SMYD3: variants seen among roughly 807,000 people sequenced by gnomAD.
The protein encoded by SMYD3 is SET and MYND domain containing 3.
In SMYD3, 36 loss-of-function variants were observed where a neutral mutation model predicts 57.7. The observed-to-expected ratio is 0.62, with a 90% CI of 0.48 to 0.82. The LOEUF (loss-of-function observed/expected upper bound fraction) is 0.82. Ranked by LOEUF, SMYD3 falls within the 40% of genes least tolerant of loss-of-function variation. The pLI is 0.00. For synonymous variants in SMYD3, 211 were observed against 195.0 expected (o/e 1.08, Z -0.68); for missense variants, 515 against 538.8 (o/e 0.96, Z 0.44).
intron 10 of SMYD3, among the ~76,000 whole-genome samples, chr1:245,834,252 T>C: frequency 6.6e-6 from 1 of 152,198 alleles, no homozygotes; most frequent in East Asian, 1.9e-4. Context: ...TGCATTTCTT[T>C]GACCTCTCAT....
At chr1:246,373,584 T>C (rs1329829725) in intron 1 of SMYD3, among the ~76,000 whole-genome samples, 2 of 152,174 alleles carry the variant, frequency 1.3e-5, no homozygotes, top group East Asian at 3.8e-4. Context: ...CTAATAGTTC[T>C]GGATTTAATA....
intron 5 of SMYD3, among the ~76,000 whole-genome samples, chr1:246,136,878 G>A (rs2061673259): frequency 6.6e-6 from 1 of 152,200 alleles, no homozygotes; most frequent in Admixed American, 6.5e-5. Context: ...GACTTCTGCA[G>A]AGCACAGTCT....
intron 5 of SMYD3, among the ~76,000 whole-genome samples, chr1:245,965,429 G>A (rs937429138): frequency 7.9e-5 from 12 of 152,184 alleles, no homozygotes; most frequent in Admixed American, 7.9e-4. Flanking sequence ...ATAAAGGAGA[G>A]AAAACAGTAT....
At chr1:246,507,001 C>CCCCCCCCCCCCA in intron 1 of SMYD3, 53 bp downstream of exon 1, 1 of 1,159,190 alleles carries the variant, frequency 8.6e-7, no homozygotes, top group Non-Finnish European at 1.2e-6. Flanking sequence ...CCCCCCCTCC[C>CCCCCCCCCCCCA]CAGCACCCCA....
chr1:245,764,968 C>T (rs1572272114), intron 10 of SMYD3, among the ~76,000 whole-genome samples: 1 of 151,366 alleles, frequency 6.6e-6, no homozygotes, highest in South Asian at 2.1e-4. Context: ...TCTTCTGGCC[C>T]CAATACCCCC....
Position 245,833,073 on chromosome 1 carries a change from A to AAAAAAAAAAAAAAAAAAAAAACACAAC in SMYD3, c.1076+25422_1076+25423insGTTGTGTTTTTTTTTTTTTTTTTTTTT. On this transcript the variant is annotated intron_variant, in intron 10 of 11. Coordinates refer to ENST00000490107, the MANE Select transcript of SMYD3 (RefSeq NM_001167740.2). ...GGAATATGTGACAAAAAAAAAAAAA[A>AAAAAAAAAAAAAAAAAAAAAACACAAC]AACCTGCTTTTATAATGCTGATTCA... Among the ~76,000 whole-genome samples, 490 of 128,340 alleles carry AAAAAAAAAAAAAAAAAAAAAACACAAC rather than the reference A, an allele frequency of 3.8e-3. 26 individuals are homozygous for AAAAAAAAAAAAAAAAAAAAAACACAAC. The highest frequency in any genetic ancestry group is 5.7e-3 in the Admixed American group (74 of 12,878). The allele number at this position is 128,340 out of a possible 152,430, so 84.2% of individuals were successfully genotyped here.
At chr1:246,220,299 A>C (rs1017408576) in intron 5 of SMYD3, among the ~76,000 whole-genome samples, 2 of 148,186 alleles carry the variant, frequency 1.3e-5, no homozygotes, top group African/African-American at 2.5e-5. Context: ...CAGGGAGAAG[A>C]CCCCACCCGC....
intron 5 of SMYD3, among the ~76,000 whole-genome samples, chr1:245,963,365 T>C (rs1572800696): frequency 1.3e-5 from 2 of 152,200 alleles, no homozygotes; most frequent in Admixed American, 6.5e-5. Context: ...GAGGGGCGCA[T>C]ACAGAGCATT....
intron 5 of SMYD3, among the ~76,000 whole-genome samples, chr1:246,284,947 C>G (rs1041640847): frequency 4.7e-5 from 7 of 147,728 alleles, no homozygotes; most frequent in Non-Finnish European, 3.0e-5. Flanking sequence ...GTGATATTGA[C>G]TAGTAACTGC....
At chr1:246,500,052 T>TACTTACC in intron 1 of SMYD3, among the ~76,000 whole-genome samples, 1 of 151,194 alleles carries the variant, frequency 6.6e-6, no homozygotes, top group Non-Finnish European at 1.5e-5. Flanking sequence ...GATTCTGCAC[T>TACTTACC]ACCATCACCA....
intron 1 of SMYD3, among the ~76,000 whole-genome samples, chr1:246,395,781 T>C (rs77349142): frequency 0.11 from 14,207 of 132,454 alleles, 2,210 homozygotes; most frequent in African/African-American, 0.35. Flanking sequence ...GAACCCACCA[T>C]GGTCAGACAG....
At chr1:245,985,404 C>T (rs932069519) in intron 5 of SMYD3, among the ~76,000 whole-genome samples, 9 of 152,152 alleles carry the variant, frequency 5.9e-5, no homozygotes, top group Non-Finnish European at 1.3e-4. Flanking sequence ...TAAAAGTGAA[C>T]CCATTAATTT....
intron 10 of SMYD3, among the ~76,000 whole-genome samples, chr1:245,837,919 A>G (rs2050181719): frequency 6.6e-6 from 1 of 152,244 alleles, no homozygotes; most frequent in Admixed American, 6.5e-5. Context: ...GAAGAAAGGA[A>G]GTCAACGGCA....
chr1:246,492,790 GC>G (rs2068291724), intron 1 of SMYD3, among the ~76,000 whole-genome samples: 1 of 152,190 alleles, frequency 6.6e-6, no homozygotes, highest in Non-Finnish European at 1.5e-5. Flanking sequence ...GATTCCTCCA[GC>G]CCTTTTCCTT....
At chr1:246,176,242 G>A (rs1176841864) in intron 5 of SMYD3, among the ~76,000 whole-genome samples, 1 of 152,220 alleles carries the variant, frequency 6.6e-6, no homozygotes, top group African/African-American at 2.4e-5. Flanking sequence ...CAGGTCAGCT[G>A]ACAAAATTAG....
chr1:246,362,162 C>T (rs1241740256), intron 1 of SMYD3, among the ~76,000 whole-genome samples: 1 of 152,152 alleles, frequency 6.6e-6, no homozygotes, highest in Non-Finnish European at 1.5e-5. Flanking sequence ...ATACTGATCT[C>T]TCCATATCAA....
At chr1:246,074,337 C>T (rs1197104249) in intron 5 of SMYD3, among the ~76,000 whole-genome samples, 1 of 151,202 alleles carries the variant, frequency 6.6e-6, no homozygotes. Flanking sequence ...AAATTATCTT[C>T]CTTTTTTATT....
chr1:246,406,016 A>G (rs1007815773), intron 1 of SMYD3, among the ~76,000 whole-genome samples: 2 of 152,028 alleles, frequency 1.3e-5, no homozygotes. Context: ...AAACTCTCTC[A>G]TTCTCCTGTA....
intron 5 of SMYD3, among the ~76,000 whole-genome samples, chr1:246,147,436 T>C (rs2061867437): frequency 6.6e-6 from 1 of 152,140 alleles, no homozygotes; most frequent in Non-Finnish European, 1.5e-5. Flanking sequence ...AATCAGGACG[T>C]GCTCGGTGGT....
Sources: gnomAD v4.1 joint callset for allele counts (sites outside exome capture counted in the v4.1 genomes callset) on GRCh38, gnomAD v4.1.1 for gene constraint, MANE v1.5 for transcripts, NCBI Gene and HGNC (gene_info 2026-07-23, HGNC 2026-07-21) for gene names.